The following PCDHGA7 variants were observed in gnomAD, a reference collection of about 807,000 sequenced individuals.
PCDHGA7 encodes protocadherin gamma-A7.
In PCDHGA7, 44 loss-of-function variants were observed where a neutral mutation model predicts 58.3. The observed-to-expected ratio is 0.75, with a 90% CI of 0.59 to 0.97. PCDHGA7 has a LOEUF of 0.97. Among genes scored for constraint, PCDHGA7 ranks in the 50% least tolerant of loss-of-function variants. The probability of loss-of-function intolerance (pLI) is 0.00; values close to 1 mark genes in which losing one functional copy is unlikely to be tolerated. For synonymous variants in PCDHGA7, 516 were observed against 504.2 expected (o/e 1.02, Z -0.31); for missense variants, 1,266 against 1,188.7 (o/e 1.06, Z -0.96).
intron 1 of PCDHGA7, chr5:141,478,451 G>A (rs377597887): frequency 2.5e-6 from 4 of 1,613,440 alleles, no homozygotes; most frequent in African/African-American, 2.7e-5. Context: ...ACCTGGTGCA[G>A]CCAGTCCACT....
At chr5:141,414,570 C>G (rs1253876890) in intron 1 of PCDHGA7, 13 of 1,613,862 alleles carry the variant, frequency 8.1e-6, no homozygotes, top group Non-Finnish European at 1.0e-5. Flanking sequence ...TTACCTATAT[C>G]CCAGAGAACA....
Position 141,487,272 on chromosome 5 carries a change from T to C in PCDHGA7, c.2425-7535T>C. 6.2e-7 allele frequency: 1 copy of C among 1,614,148 alleles called. No homozygotes were observed. The highest frequency in any genetic ancestry group is 8.5e-7 in the Non-Finnish European group (1 of 1,180,036). Reference sequence around the variant, plus strand: ...TACTTGGCTGTGTCCCTAGTGGCAATTTGCTTTGTCTCCTTTGGCTCATTC... The same window carrying C: ...TACTTGGCTGTGTCCCTAGTGGCAACTTGCTTTGTCTCCTTTGGCTCATTC... On this transcript the variant is annotated intron_variant, in intron 1 of 3. Coordinates refer to ENST00000518325, the MANE Select transcript of PCDHGA7 (RefSeq NM_018920.4). This position sits in a 1 kb window ranked among gnomAD's most constrained non-coding sequence, Gnocchi z 5.0.
At chr5:141,499,029 A>AAGGAAGGAAGGAAGGAAGGAAGG (rs1562187768) in intron 2 of PCDHGA7, among the ~76,000 whole-genome samples, 1 of 139,968 alleles carries the variant, frequency 7.1e-6, no homozygotes, top group African/African-American at 2.8e-5. Flanking sequence ...AGGAAGGAAG[A>AAGGAAGGAAGGAAGGAAGGAAGG]AAAGAAAGAA....
intron 1 of PCDHGA7, chr5:141,398,897 C>G (rs761364649): frequency 2.1e-5 from 34 of 1,613,932 alleles, no homozygotes; most frequent in Non-Finnish European, 2.8e-5. Context: ...AACGTGCCAC[C>G]AGGCACCACT....
intron 1 of PCDHGA7, chr5:141,397,991 C>T (rs960718940): frequency 1.5e-6 from 2 of 1,340,100 alleles, no homozygotes; most frequent in African/African-American, 3.0e-5. Context: ...TACACCGCTT[C>T]CTCCTCGGAA....
chr5:141,458,918 A>C (rs1173274380), intron 1 of PCDHGA7, among the ~76,000 whole-genome samples: 1 of 152,022 alleles, frequency 6.6e-6, no homozygotes, highest in Non-Finnish European at 1.5e-5. Context: ...TTTTTTGTGG[A>C]GACGGGGTCT....
chr5:141,478,385 T>C (rs919846683), intron 1 of PCDHGA7: 1 of 1,613,628 alleles, frequency 6.2e-7, no homozygotes, highest in Non-Finnish European at 8.5e-7. Context: ...GCCGCACCTT[T>C]ACCATCAGGT....
chr5:141,394,077 G>T (rs2092915591), intron 1 of PCDHGA7: 2 of 1,613,828 alleles, frequency 1.2e-6, no homozygotes, highest in Non-Finnish European at 1.7e-6. Context: ...CAATATCACA[G>T]TGATGGCCTC....
chr5:141,484,715 G>A (rs576646182), intron 1 of PCDHGA7, among the ~76,000 whole-genome samples: 1 of 152,130 alleles, frequency 6.6e-6, no homozygotes, highest in African/African-American at 2.4e-5. Context: ...CCGCCGAAAA[G>A]GGGCGGGGTC....
At chr5:141,435,413 A>G (rs1422263053) in intron 1 of PCDHGA7, among the ~76,000 whole-genome samples, 1 of 152,122 alleles carries the variant, frequency 6.6e-6, no homozygotes, top group Admixed American at 6.5e-5. Flanking sequence ...GGTAAAGACT[A>G]TTTTTCACTT....
intron 3 of PCDHGA7, among the ~76,000 whole-genome samples, chr5:141,509,745 T>C (rs1456852988): frequency 6.6e-6 from 1 of 152,186 alleles, no homozygotes; most frequent in East Asian, 1.9e-4. Context: ...TCTGAGCCTG[T>C]GCCTAAAGTG....
rs761189685 is a variant in PCDHGA7 at position 141,404,203 on chromosome 5, A to G, written c.2424+18880A>G. On this transcript the variant is annotated intron_variant, in intron 1 of 3. Coordinates refer to ENST00000518325, the MANE Select transcript of PCDHGA7 (RefSeq NM_018920.4). Reference sequence around the variant, plus strand: ...TTCTTGACCGAGAAAAAGCCTCAGAATATAATATCACGGTGACTGCAACAG... The same window carrying G: ...TTCTTGACCGAGAAAAAGCCTCAGAGTATAATATCACGGTGACTGCAACAG... 11 of 1,613,806 alleles carry G rather than the reference A, an allele frequency of 6.8e-6. No individual in the cohort carries two copies. In the South Asian group the frequency reaches 1.2e-4, roughly 18 times the overall value.
intron 1 of PCDHGA7, among the ~76,000 whole-genome samples, chr5:141,457,459 CA>C (rs1402759850): frequency 6.6e-6 from 1 of 152,166 alleles, no homozygotes; most frequent in Non-Finnish European, 1.5e-5. Context: ...CCACTTGATT[CA>C]CAGGAATAAG....
chr5:141,478,822 T>A, intron 1 of PCDHGA7: 2 of 1,444,070 alleles, frequency 1.4e-6, no homozygotes, highest in South Asian at 1.5e-5. Context: ...AACTAACCAA[T>A]CTTGCTAAGG....
intron 3 of PCDHGA7, among the ~76,000 whole-genome samples, chr5:141,506,138 G>T (rs983643755): frequency 6.6e-6 from 1 of 152,134 alleles, no homozygotes; most frequent in African/African-American, 2.4e-5. Flanking sequence ...AGGAGAAGAA[G>T]AATATCATTT....
At chr5:141,397,887 G>C in intron 1 of PCDHGA7, 1 of 617,602 alleles carries the variant, frequency 1.6e-6, no homozygotes, top group South Asian at 2.4e-5. Flanking sequence ...GCCGCTGTTG[G>C]CCAAAGTGCA....
intron 1 of PCDHGA7, among the ~76,000 whole-genome samples, chr5:141,387,085 C>T (rs1242993034): frequency 6.6e-6 from 1 of 152,168 alleles, no homozygotes; most frequent in African/African-American, 2.4e-5. Flanking sequence ...TGCCTGTGAT[C>T]ATCGAAATGA....
At chr5:141,495,719 C>T (rs929450759) in intron 2 of PCDHGA7, among the ~76,000 whole-genome samples, 12 of 152,150 alleles carry the variant, frequency 7.9e-5, no homozygotes, top group African/African-American at 2.4e-5. Context: ...AGTAACTACA[C>T]GGGACCCTTA....
chr5:141,401,446 A>G (rs1200787289), intron 1 of PCDHGA7, among the ~76,000 whole-genome samples: 1 of 152,244 alleles, frequency 6.6e-6, no homozygotes, highest in Non-Finnish European at 1.5e-5. Context: ...GAAGGTCCAA[A>G]TCATCCAAAT....
Sources: allele counts gnomAD v4.1 joint callset (sites outside exome capture counted in the v4.1 genomes callset), GRCh38; gene constraint gnomAD v4.1.1; non-coding constraint Gnocchi (gnomAD v3.1); transcripts MANE v1.5; gene names NCBI Gene and HGNC (gene_info 2026-07-23, HGNC 2026-07-21).